ESRRG: variants seen among roughly 807,000 people sequenced by gnomAD.
The protein encoded by ESRRG is estrogen related receptor gamma, also known as estrogen-related receptor gamma.
Under a neutral mutation model 44.0 loss-of-function variants are expected in ESRRG, and 13 were observed. That is an observed-to-expected ratio of 0.30 (90% CI 0.19 to 0.47). The LOEUF (loss-of-function observed/expected upper bound fraction) is 0.47. ESRRG is among the 20% of genes least tolerant of loss of function. The pLI, the probability that ESRRG is intolerant of heterozygous loss-of-function variation, is 1.00. For missense variants in ESRRG, 395 were observed against 580.6 expected (o/e 0.68, Z 3.29); for synonymous variants, 215 against 214.6 (o/e 1.00, Z -0.02).
At chr1:216,569,081 A>AAAGGAAGGAAGG (rs56064287) in intron 3 of ESRRG, among the ~76,000 whole-genome samples, 1,525 of 98,174 alleles carry the variant, frequency 0.016, 57 homozygotes, top group South Asian at 0.095. Context: ...AGACAGAGAG[A>AAAGGAAGGAAGG]AAGGAAGGAA....
intron 5 of ESRRG, among the ~76,000 whole-genome samples, chr1:216,533,287 T>C (rs1178683035): frequency 6.6e-6 from 1 of 150,786 alleles, no homozygotes; most frequent in Non-Finnish European, 1.5e-5. Flanking sequence ...ATAAAAGGTA[T>C]ATATTAGATG....
intron 1 of ESRRG, among the ~76,000 whole-genome samples, chr1:216,688,971 A>G (rs1301036658): frequency 6.6e-6 from 1 of 152,176 alleles, no homozygotes; most frequent in Non-Finnish European, 1.5e-5. Flanking sequence ...ACAGAGATGC[A>G]TATGGGTAAA....
intron 1 of ESRRG, among the ~76,000 whole-genome samples, chr1:216,714,837 A>T (rs2084469327): frequency 6.6e-6 from 1 of 152,154 alleles, no homozygotes; most frequent in African/African-American, 2.4e-5. Context: ...GCTCATACGA[A>T]TTGAAAGACA....
intron 3 of ESRRG, among the ~76,000 whole-genome samples, chr1:216,612,060 G>GT (rs773653263): frequency 3.9e-5 from 6 of 152,156 alleles, no homozygotes; most frequent in Non-Finnish European, 8.8e-5. Flanking sequence ...TTCCTATGCA[G>GT]TAAAAAAGAC....
chr1:216,931,357 A>G (rs2063317070), intron 2 of ESRRG, among the ~76,000 whole-genome samples: 1 of 152,178 alleles, frequency 6.6e-6, no homozygotes, highest in South Asian at 2.1e-4. Context: ...TGTGTAAAAT[A>G]AGAGAAATTC....
chr1:217,110,853 A>G (rs1250163233), intron 1 of ESRRG, among the ~76,000 whole-genome samples: 1 of 152,128 alleles, frequency 6.6e-6, no homozygotes, highest in African/African-American at 2.4e-5. Flanking sequence ...CTGGCTTATT[A>G]TATTGCTGAC....
intron 1 of ESRRG, among the ~76,000 whole-genome samples, chr1:217,035,935 A>G (rs2082805353): frequency 6.6e-6 from 1 of 152,238 alleles, no homozygotes; most frequent in Non-Finnish European, 1.5e-5. Context: ...AATATTCAGC[A>G]TATGTAAGAA....
At chr1:216,600,866 C>T (rs2059123781) in intron 3 of ESRRG, among the ~76,000 whole-genome samples, 1 of 152,174 alleles carries the variant, frequency 6.6e-6, no homozygotes, top group Admixed American at 6.5e-5. Context: ...AGGACACAAC[C>T]GCCGCGCTCT....
intron 6 of ESRRG, among the ~76,000 whole-genome samples, chr1:216,507,584 G>A (rs957208512): frequency 2.0e-5 from 3 of 152,108 alleles, no homozygotes; most frequent in Non-Finnish European, 4.4e-5. Flanking sequence ...TGTGGGGGAA[G>A]GTTGTTTAAA....
At chr1:216,664,205 A>T (rs989617410) in intron 2 of ESRRG, among the ~76,000 whole-genome samples, 9 of 152,074 alleles carry the variant, frequency 5.9e-5, no homozygotes, top group Admixed American at 1.3e-4. Context: ...TATACAAGGC[A>T]GTGTAATGAA....
intron 5 of ESRRG, among the ~76,000 whole-genome samples, chr1:216,535,150 G>T (rs749981107): frequency 1.3e-5 from 2 of 152,112 alleles, no homozygotes; most frequent in African/African-American, 4.8e-5. Context: ...CACAGCTTGA[G>T]ACTGTTCACT....
intron 2 of ESRRG, among the ~76,000 whole-genome samples, chr1:216,665,167 C>A (rs1436082199): frequency 2.0e-5 from 3 of 151,886 alleles, no homozygotes; most frequent in Non-Finnish European, 4.4e-5. Context: ...TATAATTGTC[C>A]TATTTTAGTA....
chr1:217,012,934 C>A (rs943093524), intron 1 of ESRRG, among the ~76,000 whole-genome samples: 4 of 152,098 alleles, frequency 2.6e-5, no homozygotes, highest in Non-Finnish European at 5.9e-5. Flanking sequence ...AGGGGTGGTT[C>A]CTTCTGAGGG....
At chr1:217,055,974 T>C (rs1484320645) in intron 1 of ESRRG, among the ~76,000 whole-genome samples, 4 of 152,152 alleles carry the variant, frequency 2.6e-5, no homozygotes, top group Non-Finnish European at 5.9e-5. Flanking sequence ...TCTCCTTGGG[T>C]ACACAGCTAC....
chr1:216,900,066 G>C (rs775333494), intron 2 of ESRRG, among the ~76,000 whole-genome samples: 1 of 152,052 alleles, frequency 6.6e-6, no homozygotes, highest in Non-Finnish European at 1.5e-5. Flanking sequence ...GTCTCTATAT[G>C]CTATCCAAAG....
At chr1:216,932,729 T>TG (rs1560163302) in intron 2 of ESRRG, among the ~76,000 whole-genome samples, 5 of 144,864 alleles carry the variant, frequency 3.5e-5, no homozygotes, top group Non-Finnish European at 3.0e-5. Context: ...GTTTTTTTTT[T>TG]TTTTTTTTTT....
At chr1:217,007,270 G>A (rs939720711) in intron 1 of ESRRG, among the ~76,000 whole-genome samples, 1 of 152,114 alleles carries the variant, frequency 6.6e-6, no homozygotes, top group Admixed American at 6.6e-5. Flanking sequence ...GTGGGTCAAG[G>A]GGGAGAGGGC....
intron 2 of ESRRG, among the ~76,000 whole-genome samples, chr1:216,914,024 G>A (rs781329691): frequency 7.9e-5 from 12 of 151,974 alleles, no homozygotes; most frequent in African/African-American, 1.2e-4. Flanking sequence ...GGAAAGTACC[G>A]GAAAAGTTCA....
intron 2 of ESRRG, among the ~76,000 whole-genome samples, chr1:216,660,486 C>G (rs975873346): frequency 2.6e-5 from 4 of 152,190 alleles, no homozygotes; most frequent in Admixed American, 1.3e-4. Context: ...AGGATTTGAA[C>G]CCAGGCAATC....
Sources: allele counts gnomAD v4.1 joint callset (sites outside exome capture counted in the v4.1 genomes callset), GRCh38; gene constraint gnomAD v4.1.1; transcripts MANE v1.5; gene names NCBI Gene and HGNC (gene_info 2026-07-23, HGNC 2026-07-21).